Variants in EHHADH observed in about 807,000 individuals in gnomAD.
The protein encoded by EHHADH is peroxisomal bifunctional enzyme.
EHHADH carries 48 observed loss-of-function variants against 64.4 expected under a neutral mutation model. That is an observed-to-expected ratio of 0.75 (90% CI 0.59 to 0.95). EHHADH has a LOEUF of 0.95. EHHADH is among the 40% of genes least tolerant of loss of function. The pLI is 0.00. For missense variants in EHHADH, 854 were observed against 876.6 expected (o/e 0.97, Z 0.33); for synonymous variants, 308 against 326.7 (o/e 0.94, Z 0.62).
At chr3:185,251,608 ATGTG>A (rs3072431) in intron 1 of EHHADH, among the ~76,000 whole-genome samples, 95,268 of 149,106 alleles carry the variant, frequency 0.64, 30,817 homozygotes, top group Middle Eastern at 0.71. Flanking sequence ...AAAAATTTAT[ATGTG>A]TGTGTGTGTG....
chr3:185,212,766 G>A (rs1302959444), intron 5 of EHHADH, among the ~76,000 whole-genome samples: 2 of 152,136 alleles, frequency 1.3e-5, no homozygotes, highest in African/African-American at 4.8e-5. Context: ...ACAAGGTTGT[G>A]CAACCATATG....
rs532845800 is a variant in EHHADH at position 185,205,839 on chromosome 3, A to G, written c.569-1082T>C. On this transcript the variant is annotated intron_variant, in intron 5 of 6. Coordinates refer to ENST00000231887, the MANE Select transcript of EHHADH (RefSeq NM_001966.4). ...TCCGCAACCAGAGGGAACAGAACTG[A>G]GAACAAAAATACTGTTATTGGCAAG... is the stretch of plus-strand genomic sequence containing the variant. 3.9e-4 allele frequency among the ~76,000 whole-genome samples: 59 copies of G among 152,250 alleles called. 1 individual carries two copies. Among genetic ancestry groups the G allele is most frequent in the African/African-American group, 1.3e-3 (54 of 41,546 alleles).
In EHHADH at chr3:185,216,013, T is replaced by TA. The variant is rs1718673457; in HGVS notation, c.568+2122dup. ...ATAATTGTCTAAAGCCCTGAAGTGTTAAAAGGTGAATTACAGGTTTAAAGC... is the reference window on the plus strand; with the variant it reads ...ATAATTGTCTAAAGCCCTGAAGTGTTAAAAAGGTGAATTACAGGTTTAAAGC... On this transcript the variant is annotated intron_variant, in intron 5 of 6. Transcript: ENST00000231887. This position sits in a 1 kb window ranked among gnomAD's most constrained non-coding sequence, Gnocchi z 5.3. 6.6e-6 allele frequency among the ~76,000 whole-genome samples: 1 copy of TA among 152,294 alleles called. No individual in the cohort carries two copies.
At chr3:185,220,430 C>T (rs780488952) in intron 4 of EHHADH, among the ~76,000 whole-genome samples, 12 of 152,164 alleles carry the variant, frequency 7.9e-5, no homozygotes, top group Non-Finnish European at 1.6e-4. Context: ...GTATTCAGTA[C>T]AGTAACATGC....
chr3:185,219,905 G>GT (rs1400683217), intron 4 of EHHADH, among the ~76,000 whole-genome samples: 6 of 152,128 alleles, frequency 3.9e-5, no homozygotes, highest in Non-Finnish European at 7.3e-5. Flanking sequence ...TTGAAAAGCA[G>GT]TATTTGGGCA....
At chr3:185,238,060 T>G (rs746823098) in intron 2 of EHHADH, among the ~76,000 whole-genome samples, 2 of 152,188 alleles carry the variant, frequency 1.3e-5, no homozygotes, top group Non-Finnish European at 2.9e-5. Context: ...TTTCTATTTC[T>G]GAGTTATTTT....
chr3:185,202,666 G>A (rs1261712424), intron 6 of EHHADH, among the ~76,000 whole-genome samples: 1 of 152,182 alleles, frequency 6.6e-6, no homozygotes, highest in Non-Finnish European at 1.5e-5. Flanking sequence ...TCTCACAGGA[G>A]CGCGAACCCT....
rs564030286 is a variant in EHHADH, at chr3:185,203,034, T to C, written c.910+1382A>G. Among the ~76,000 whole-genome samples the C allele has an allele frequency of 1.4e-3, 205 of 151,448 alleles. 1 individual carries two copies. The highest frequency in any genetic ancestry group is 4.7e-3 in the African/African-American group (194 of 41,236). On this transcript the variant is annotated intron_variant, in intron 6 of 6. Coordinates refer to ENST00000231887, the MANE Select transcript of EHHADH (RefSeq NM_001966.4). ...GAAGGGAAAAAAAAGGATATAAATATATTTATTACTACTGAACTGTATACT... is the reference window on the plus strand; with the variant it reads ...GAAGGGAAAAAAAAGGATATAAATACATTTATTACTACTGAACTGTATACT...
rs1024551026 is a variant in EHHADH, at chr3:185,229,361, C to T, written c.463+71G>A. 2.6e-5 allele frequency: 27 copies of T among 1,025,244 alleles called. No homozygotes were observed. In the Admixed American group the frequency reaches 8.5e-4, roughly 32 times the overall value. The allele number at this position is 1,025,244 out of a possible 1,614,324, so 63.5% of individuals were successfully genotyped here. A position where few individuals can be genotyped will look rare whatever the true frequency, so the allele number is the denominator to read the frequency against. On this transcript the variant is annotated intron_variant, in intron 4 of 6. Transcript: ENST00000231887. ...TTACATAGGGAGTAGGTGGTCAAGC[C>T]AGAATTTTTCTAAATCCTAGTCCAA...
intron 5 of EHHADH, among the ~76,000 whole-genome samples, chr3:185,213,174 T>C (rs1356704182): frequency 8.2e-6 from 1 of 121,628 alleles, no homozygotes; most frequent in African/African-American, 3.0e-5. Context: ...GCGTGTCAGG[T>C]GTAAAAAAAA....
intron 4 of EHHADH, among the ~76,000 whole-genome samples, chr3:185,226,573 C>T (rs1718980258): frequency 6.7e-6 from 1 of 150,342 alleles, no homozygotes; most frequent in Non-Finnish European, 1.5e-5. Flanking sequence ...CACTTGAACC[C>T]AGGAGATGGA....
chr3:185,230,202 T>A (rs1021327162), intron 3 of EHHADH, among the ~76,000 whole-genome samples: 30 of 152,300 alleles, frequency 2.0e-4, no homozygotes, highest in African/African-American at 5.3e-4. Context: ...GAATACAGAA[T>A]CCTCATACAT....
At chr3:185,218,885 T>C (rs1028942299) in intron 4 of EHHADH, among the ~76,000 whole-genome samples, 2 of 152,206 alleles carry the variant, frequency 1.3e-5, no homozygotes, top group Admixed American at 1.3e-4. Context: ...TAACTGGGCA[T>C]GGTAGTGGGC....
intron 6 of EHHADH, among the ~76,000 whole-genome samples, chr3:185,198,877 C>T (rs373853243): frequency 3.3e-5 from 5 of 151,786 alleles, no homozygotes; most frequent in South Asian, 4.2e-4. Flanking sequence ...AAAAAAGATA[C>T]ATACATAAAT....
At chr3:185,250,751 T>C (rs1181282686) in intron 1 of EHHADH, among the ~76,000 whole-genome samples, 1 of 152,214 alleles carries the variant, frequency 6.6e-6, no homozygotes, top group African/African-American at 2.4e-5. Context: ...TTAACCTAGA[T>C]GAAATCAGAC....
At chr3:185,235,576 A>G in intron 2 of EHHADH, 114 bp from the exon 3 acceptor site, 1 of 954,844 alleles carries the variant, frequency 1.0e-6, no homozygotes. Context: ...TTATTTCTTA[A>G]TTTTTTTTAG....
intron 1 of EHHADH, 100 bp from the exon 2 acceptor site, chr3:185,248,617 T>A: frequency 1.3e-6 from 1 of 783,254 alleles, no homozygotes; most frequent in Non-Finnish European, 2.1e-6. Context: ...AACACACACA[T>A]AATGGATAAA....
At chr3:185,251,173 A>G (rs1052058547) in intron 1 of EHHADH, among the ~76,000 whole-genome samples, 1 of 152,062 alleles carries the variant, frequency 6.6e-6, no homozygotes, top group African/African-American at 2.4e-5. Context: ...ACTACTGACC[A>G]AAACTCTTCA....
At chr3:185,240,974 C>G (rs564431495) in intron 2 of EHHADH, among the ~76,000 whole-genome samples, 1 of 151,976 alleles carries the variant, frequency 6.6e-6, no homozygotes, top group Non-Finnish European at 1.5e-5. Flanking sequence ...CCTTCCCCCC[C>G]AAATCCCCAA....
Sources: gnomAD v4.1 joint callset for allele counts (sites outside exome capture counted in the v4.1 genomes callset) on GRCh38, gnomAD v4.1.1 for gene constraint, Gnocchi (gnomAD v3.1) non-coding constraint, MANE v1.5 for transcripts, NCBI Gene and HGNC (gene_info 2026-07-23, HGNC 2026-07-21) for gene names.